Variants in LRP4 observed in about 807,000 individuals in gnomAD.
LRP4 encodes LDL receptor related protein 4.
Under a neutral mutation model 220.3 loss-of-function variants are expected in LRP4, and 95 were observed. The observed-to-expected ratio is 0.43, with a 90% CI of 0.37 to 0.51. The LOEUF (loss-of-function observed/expected upper bound fraction) is 0.51. Ranked by LOEUF, LRP4 falls within the 20% of genes least tolerant of loss-of-function variation. The probability of loss-of-function intolerance (pLI) is 0.00; values close to 1 mark genes in which losing one functional copy is unlikely to be tolerated. For missense variants in LRP4, 1,925 were observed against 2,567.0 expected, an observed-to-expected ratio of 0.75 and a Z score of 5.40; for synonymous variants, 903 against 954.6, an observed-to-expected ratio of 0.95 and a Z score of 1.00.
chr11:46,900,127 C>T (rs879157289), intron 3 of LRP4, 135 bp downstream of exon 3: 21 of 958,162 alleles, frequency 2.2e-5, no homozygotes, highest in South Asian at 5.2e-5. Context: ...TATCTGACTT[C>T]GAGAGGAAGT....
intron 34 of LRP4, among the ~76,000 whole-genome samples, chr11:46,866,265 ATT>A (rs1301329242): frequency 6.6e-6 from 1 of 150,850 alleles, no homozygotes; most frequent in African/African-American, 2.4e-5. Context: ...TTTCCAGATT[ATT>A]TATTTATTTA....
At chr11:46,888,567 A>AAAAAAAAAAAAAAAAT (rs1565792070) in intron 16 of LRP4, among the ~76,000 whole-genome samples, 1 of 149,292 alleles carries the variant, frequency 6.7e-6, no homozygotes, top group Non-Finnish European at 1.5e-5. Context: ...AAAAAAAAAA[A>AAAAAAAAAAAAAAAAT]AAAAAAGAAT....
Position 46,875,627 on chromosome 11 carries a change from C to T in LRP4, c.3754G>A (p.Val1252Met). 1 of 1,614,130 alleles carries T rather than the reference C, an allele frequency of 6.2e-7. No homozygotes were observed. The highest frequency in any genetic ancestry group is 8.5e-7 in the Non-Finnish European group (1 of 1,180,028). Residue 1252 changes from valine (V) to methionine (M), a missense_variant, in exon 27 of 38, where the codon GTG (valine) becomes ATG (methionine). By Grantham distance (21) the Val-to-Met change is conservative. Around this residue, in one of 3 missense-constraint regions of LRP4, gnomAD observed 1,244 missense variants for 1,624.9 expected, o/e 0.77. Coordinates refer to ENST00000378623, the MANE Select transcript of LRP4 (RefSeq NM_002334.4). This position sits in a 1 kb window ranked among gnomAD's most constrained non-coding sequence, Gnocchi z 4.5. Reference protein sequence around the residue: ...GANRHTLVSPVQHPYGLTLLD... With the variant: ...GANRHTLVSPMQHPYGLTLLD... ...AGGGTGAGGCCATATGGGTGCTGCA[C>T]CGGTGACACCAATGTATGCCGATTG...
chr11:46,898,817 CCTG>C, intron 6 of LRP4, 84 bp downstream of exon 6: 4 of 1,607,408 alleles, frequency 2.5e-6, no homozygotes, highest in Non-Finnish European at 3.4e-6. Flanking sequence ...TCTCTGAACT[CCTG>C]CCCCAGCTGG....
At chr11:46,900,054 G>A (rs930527916) in intron 3 of LRP4, 78 bp from the exon 4 acceptor site, 3 of 1,216,806 alleles carry the variant, frequency 2.5e-6, no homozygotes, top group African/African-American at 1.5e-5. Context: ...GCCCTCCGGA[G>A]CAGTCAAGTA....
chr11:46,877,129 G>T (rs575538736), intron 23 of LRP4, 70 bp downstream of exon 23: 95 of 1,553,094 alleles, frequency 6.1e-5, no homozygotes, highest in Non-Finnish European at 8.0e-5. Flanking sequence ...AAAGGTGGTG[G>T]GAGAGGAAAG....
intron 1 of LRP4, among the ~76,000 whole-genome samples, chr11:46,917,142 C>G (rs989293909): frequency 6.6e-6 from 1 of 152,218 alleles, no homozygotes; most frequent in Non-Finnish European, 1.5e-5. Flanking sequence ...TAGACATCTC[C>G]ACGCCCTGCC....
intron 36 of LRP4, among the ~76,000 whole-genome samples, chr11:46,863,143 A>G (rs1940602108): frequency 6.6e-6 from 1 of 152,026 alleles, no homozygotes; most frequent in Admixed American, 6.6e-5. Context: ...CCTACCAACA[A>G]CTATGTGAGT....
Position 46,881,757 on chromosome 11 carries a change from G to A in LRP4, c.2759C>T (p.Ala920Val). The change falls in exon 20 of 38, where the codon GCT (alanine) becomes GTT (valine). Residue 920 changes from alanine (A) to valine (V), a missense_variant. By Grantham distance (64) the Ala-to-Val change is moderately conservative. Transcript: ENST00000378623. ...TTCAATTGTCTTCATGCCGGCGTCA[G>A]CCCAGTATAGACGCTGGGACCCATA... ...IDYGSQRLYW[A>V]DAGMKTIEFA... 1 of 1,613,902 alleles carries A rather than the reference G, an allele frequency of 6.2e-7. No homozygotes were observed. Among genetic ancestry groups the A allele is most frequent in the Middle Eastern group, 1.6e-4 (1 of 6,062 alleles).
chr11:46,914,100 C>T (rs1941911558), intron 1 of LRP4, among the ~76,000 whole-genome samples: 1 of 152,028 alleles, frequency 6.6e-6, no homozygotes, highest in South Asian at 2.1e-4. Context: ...TACAGTAACA[C>T]AGTAGTTGCC....
rs547976247 is a variant in LRP4 at position 46,871,693 on chromosome 11, C to T, written c.4584-60G>A. On this transcript the variant is annotated intron_variant, in intron 30 of 37. Coordinates refer to ENST00000378623, the MANE Select transcript of LRP4 (RefSeq NM_002334.4). ...CGCTTGCCAGGGAGCCCAGCTCTTC[C>T]CCCTATGAACCTGTTTGTCCCCTCC... 1.4e-5 allele frequency: 16 copies of T among 1,118,676 alleles called. No individual in the cohort carries two copies. The East Asian group carries it at 3.6e-4, about 25-fold the overall frequency. 69.3% of individuals were successfully genotyped at this position (1,118,676 alleles called of 1,614,324 possible).
chr11:46,901,649 A>G (rs533031925), intron 2 of LRP4, among the ~76,000 whole-genome samples: 1 of 152,240 alleles, frequency 6.6e-6, no homozygotes, highest in South Asian at 2.1e-4. Flanking sequence ...CTTAGCAGGG[A>G]TATTTCTATA....
chr11:46,883,830 GA>G, intron 19 of LRP4, 40 bp downstream of exon 19: 1 of 1,441,108 alleles, frequency 6.9e-7, no homozygotes, highest in Non-Finnish European at 9.8e-7. Flanking sequence ...CAGATCTTGG[GA>G]GGGGTGGATG....
At chr11:46,866,706 C>A (rs1310647613) in intron 34 of LRP4, among the ~76,000 whole-genome samples, 1 of 152,040 alleles carries the variant, frequency 6.6e-6, no homozygotes, top group Non-Finnish European at 1.5e-5. Flanking sequence ...ATCACTTGAG[C>A]CCAGAAGTTT....
At chr11:46,908,779 T>C (rs1460438753) in intron 1 of LRP4, among the ~76,000 whole-genome samples, 13 of 152,232 alleles carry the variant, frequency 8.5e-5, no homozygotes, top group Admixed American at 8.5e-4. Flanking sequence ...CACTTTTGAA[T>C]CAGCACTCGA....
In LRP4 at chr11:46,875,762, T is replaced by C; in HGVS notation, c.3699+42A>G. 1 of 1,613,714 alleles carries C rather than the reference T, an allele frequency of 6.2e-7. No homozygotes were observed. The highest frequency in any genetic ancestry group is 8.5e-7 in the Non-Finnish European group (1 of 1,179,716). The stretch of plus-strand genomic sequence containing the variant: ...GGAGATCCTAGGCAGGCCTTTCCCA[T>C]CTTCCCAGGCTCCTGGGAAGCAGCA... On this transcript the variant is annotated intron_variant, in intron 26 of 37. Coordinates refer to ENST00000378623, the MANE Select transcript of LRP4 (RefSeq NM_002334.4). This position sits in a 1 kb window ranked among gnomAD's most constrained non-coding sequence, Gnocchi z 4.5.
chr11:46,876,336 TG>T (rs1326586539), intron 25 of LRP4, 129 bp downstream of exon 25: 1 of 1,009,148 alleles, frequency 9.9e-7, no homozygotes, highest in East Asian at 2.4e-5. Flanking sequence ...CACAAGAGAG[TG>T]GAAGAGCCCC....
At chr11:46,881,940 A>G in intron 19 of LRP4, 37 bp from the exon 20 acceptor site, 1 of 1,605,150 alleles carries the variant, frequency 6.2e-7, no homozygotes, top group Middle Eastern at 1.7e-4. Context: ...CTTACAAGCT[A>G]GTTAATATCC....
Position 46,918,443 on chromosome 11 carries a change from C to A in LRP4, c.-64G>T. 3 of 1,239,462 alleles carry A rather than the reference C, an allele frequency of 2.4e-6. No homozygotes were observed. The highest frequency in any genetic ancestry group is 2.0e-6 in the Non-Finnish European group (2 of 983,166). 76.8% of individuals were successfully genotyped at this position (1,239,462 alleles called of 1,614,324 possible). A position where few individuals can be genotyped will look rare whatever the true frequency, so the allele number is the denominator to read the frequency against. ...CCCGCCGGACGGCGCGGCGGAGAAGCCCGCGGAGGGTCCCCGAGGGGGAAG... is the reference window on the plus strand; with the variant it reads ...CCCGCCGGACGGCGCGGCGGAGAAGACCGCGGAGGGTCCCCGAGGGGGAAG... On this transcript the variant is annotated 5_prime_UTR_variant, in exon 1 of 38. Coordinates refer to ENST00000378623, the MANE Select transcript of LRP4 (RefSeq NM_002334.4). The surrounding 1 kb of genome is among the most constrained non-coding windows in gnomAD (Gnocchi z 6.0).
Sources: gnomAD v4.1 joint callset for allele counts (sites outside exome capture counted in the v4.1 genomes callset) on GRCh38, gnomAD v4.1.1 for gene constraint, gnomAD v4.1.1 regional missense constraint, Gnocchi (gnomAD v3.1) non-coding constraint, MANE v1.5 for transcripts, NCBI Gene and HGNC (gene_info 2026-07-23, HGNC 2026-07-21) for gene names.